Variants in AFAP1 observed in about 807,000 individuals in gnomAD.
AFAP1 encodes actin filament associated protein 1.
In AFAP1, 75 loss-of-function variants were observed where a neutral mutation model predicts 93.9. The ratio of observed to expected loss-of-function variants is 0.80; its 90% confidence interval spans 0.66 to 0.97. The LOEUF is 0.97. Ranked by LOEUF, AFAP1 falls within the 50% of genes least tolerant of loss-of-function variation. The probability of loss-of-function intolerance (pLI) is 0.00; values close to 1 mark genes in which losing one functional copy is unlikely to be tolerated. For missense variants in AFAP1, 1,201 were observed against 1,050.8 expected (o/e 1.14, Z -1.98); for synonymous variants, 517 against 430.7 (o/e 1.20, Z -2.48).
intron 1 of AFAP1, among the ~76,000 whole-genome samples, chr4:7,914,019 G>A (rs568749290): frequency 3.4e-4 from 51 of 151,420 alleles, no homozygotes; most frequent in African/African-American, 1.1e-3. Flanking sequence ...TGTTGGTAAC[G>A]TTCAATACCC....
Position 7,785,812 on chromosome 4 carries a change from C to T in AFAP1, c.1530+382G>A, listed in dbSNP as rs529309811. 1.8e-4 allele frequency among the ~76,000 whole-genome samples: 27 copies of T among 152,044 alleles called. No individual in the cohort carries two copies. In the South Asian group the frequency reaches 5.4e-3, roughly 31 times the overall value. Reference sequence around the variant, plus strand: ...AATGAGTGGGATGTGGTGGTGTGCACCTACGGTCCCAGCTACTTGGGAGGC... The same window carrying T: ...AATGAGTGGGATGTGGTGGTGTGCATCTACGGTCCCAGCTACTTGGGAGGC... On this transcript the variant is annotated intron_variant, in intron 12 of 17. Coordinates refer to ENST00000420658, the MANE Select transcript of AFAP1 (RefSeq NM_001134647.2).
At chr4:7,873,826 G>A (rs1717285895) in intron 1 of AFAP1, among the ~76,000 whole-genome samples, 3 of 152,098 alleles carry the variant, frequency 2.0e-5, no homozygotes, top group Admixed American at 2.0e-4. Flanking sequence ...TGAATGACAG[G>A]CAAACTGCAA....
chr4:7,846,319 G>T (rs1358274016), intron 4 of AFAP1, among the ~76,000 whole-genome samples: 1 of 152,210 alleles, frequency 6.6e-6, no homozygotes, highest in Non-Finnish European at 1.5e-5. Context: ...TTTACAACAA[G>T]AGGGTTTTTA....
intron 13 of AFAP1, among the ~76,000 whole-genome samples, chr4:7,780,105 T>C (rs1716600420): frequency 6.6e-6 from 1 of 151,740 alleles, no homozygotes; most frequent in South Asian, 2.1e-4. Flanking sequence ...TGTAGAAACA[T>C]AGAGGGAGAA....
intron 6 of AFAP1, among the ~76,000 whole-genome samples, chr4:7,832,258 G>C (rs1432586741): frequency 7.2e-5 from 11 of 152,114 alleles, no homozygotes; most frequent in Non-Finnish European, 1.6e-4. Context: ...GGATCATCTG[G>C]AGGGGAAAAA....
intron 6 of AFAP1, among the ~76,000 whole-genome samples, chr4:7,823,843 C>G (rs1483797340): frequency 1.3e-5 from 2 of 152,202 alleles, no homozygotes; most frequent in African/African-American, 4.8e-5. Context: ...AGAGCAGGCC[C>G]AGGATCAACC....
intron 4 of AFAP1, among the ~76,000 whole-genome samples, chr4:7,850,387 C>G (rs1050981802): frequency 6.6e-6 from 1 of 152,148 alleles, no homozygotes; most frequent in Non-Finnish European, 1.5e-5. Context: ...CACCCACACC[C>G]CATAACATCA....
chr4:7,800,426 C>G lies in AFAP1; in HGVS notation c.1266+16G>C, dbSNP rs372295613. 43 of 1,613,312 alleles carry G rather than the reference C, an allele frequency of 2.7e-5. No individual in the cohort carries two copies. The highest frequency in any genetic ancestry group is 3.5e-5 in the Non-Finnish European group (41 of 1,179,666). On this transcript the variant is annotated intron_variant, in intron 10 of 17. Coordinates refer to ENST00000420658, the MANE Select transcript of AFAP1 (RefSeq NM_001134647.2). ...TGTGTCCCTCTGTGGAGTACAGCCCCTGGGAAATATCCTACCTCCAATACT... is the reference window on the plus strand; with the variant it reads ...TGTGTCCCTCTGTGGAGTACAGCCCGTGGGAAATATCCTACCTCCAATACT...
intron 16 of AFAP1, among the ~76,000 whole-genome samples, chr4:7,771,481 G>C (rs1261659830): frequency 6.6e-6 from 1 of 152,172 alleles, no homozygotes; most frequent in Non-Finnish European, 1.5e-5. Flanking sequence ...TGTATATAAT[G>C]ATATCAACAA....
In AFAP1 at chr4:7,926,534, C is replaced by T. The variant is rs1034579152; in HGVS notation, c.-3+13122G>A. ...GCTCAGCCTCCAGGGTAGAAAGTTCCCCACACCCTCTACCCAAGGAGGAGA... is the reference window on the plus strand; with the variant it reads ...GCTCAGCCTCCAGGGTAGAAAGTTCTCCACACCCTCTACCCAAGGAGGAGA... On this transcript the variant is annotated intron_variant, in intron 1 of 17. Transcript: ENST00000420658. 2.0e-5 allele frequency among the ~76,000 whole-genome samples: 3 copies of T among 152,082 alleles called. No homozygotes were observed. In the East Asian group the frequency reaches 5.8e-4, roughly 29 times the overall value.
intron 6 of AFAP1, among the ~76,000 whole-genome samples, chr4:7,821,738 G>A (rs1209031998): frequency 1.3e-5 from 2 of 152,156 alleles, no homozygotes; most frequent in Admixed American, 6.5e-5. Context: ...TTTTGCAATT[G>A]GGCCTCCACA....
At chr4:7,844,306 T>G (rs1359725057) in intron 4 of AFAP1, among the ~76,000 whole-genome samples, 1 of 152,122 alleles carries the variant, frequency 6.6e-6, no homozygotes, top group African/African-American at 2.4e-5. Flanking sequence ...GAGAGAGCTC[T>G]GTCCCCACCA....
At chr4:7,774,987 C>G (rs977246111) in intron 14 of AFAP1, 84 bp from the exon 15 acceptor site, 1 of 1,510,550 alleles carries the variant, frequency 6.6e-7, no homozygotes, top group South Asian at 1.3e-5. Flanking sequence ...ACAAAAAATA[C>G]AAAATTAGCC....
intron 5 of AFAP1, among the ~76,000 whole-genome samples, chr4:7,841,045 CA>C (rs369894833): frequency 3.9e-5 from 6 of 152,304 alleles, no homozygotes; most frequent in African/African-American, 1.2e-4. Context: ...GAGAGATATG[CA>C]ATCAGCAATA....
At chr4:7,833,752 C>T (rs11728881) in intron 6 of AFAP1, among the ~76,000 whole-genome samples, 12,985 of 151,984 alleles carry the variant, frequency 0.085, 1,177 homozygotes, top group East Asian at 0.49. Context: ...CCATGCCTGG[C>T]TAGTTTTTTG....
At chr4:7,879,305 T>C (rs1304441473) in intron 1 of AFAP1, among the ~76,000 whole-genome samples, 1 of 152,132 alleles carries the variant, frequency 6.6e-6, no homozygotes, top group Non-Finnish European at 1.5e-5. Flanking sequence ...TAATCATCAT[T>C]GAGATATTAC....
At chr4:7,832,426 C>T (rs759808335) in intron 6 of AFAP1, among the ~76,000 whole-genome samples, 7 of 151,932 alleles carry the variant, frequency 4.6e-5, no homozygotes, top group Non-Finnish European at 7.4e-5. Context: ...TGCTTTCCTG[C>T]GGATGACAGC....
chr4:7,880,780 C>A (rs1299232831), intron 1 of AFAP1, among the ~76,000 whole-genome samples: 1 of 152,172 alleles, frequency 6.6e-6, no homozygotes, highest in Non-Finnish European at 1.5e-5. Context: ...TGTCTCCGCT[C>A]TCCTACAAAC....
chr4:7,917,581 C>G (rs4696778), intron 1 of AFAP1, among the ~76,000 whole-genome samples: 87,248 of 152,014 alleles, frequency 0.57, 28,304 homozygotes, highest in African/African-American at 0.86. Context: ...TGAAGAAGGC[C>G]GAAACAGAAG....
Sources: gnomAD v4.1 joint callset for allele counts (sites outside exome capture counted in the v4.1 genomes callset) on GRCh38, gnomAD v4.1.1 for gene constraint, MANE v1.5 for transcripts, NCBI Gene and HGNC (gene_info 2026-07-23, HGNC 2026-07-21) for gene names.